The following RNF212B variants were observed in gnomAD, a reference collection of about 807,000 sequenced individuals.
The protein encoded by RNF212B is E3 ubiquitin-protein ligase RNF212B.
A neutral mutation model predicts 55.5 loss-of-function variants in RNF212B; 52 were observed. The ratio of observed to expected loss-of-function variants is 0.94; its 90% CI spans 0.75 to 1.18. RNF212B has a LOEUF of 1.18. RNF212B is among the 50% of genes most tolerant of loss of function. RNF212B has a pLI of 0.00. For missense variants in RNF212B, 289 were observed against 350.4 expected, an observed-to-expected ratio of 0.82 and a Z score of 1.40; for synonymous variants, 99 against 121.4, an observed-to-expected ratio of 0.82 and a Z score of 1.21.
At chr14:23,190,122 T>C (rs1877986958) in intron 1 of RNF212B, among the ~76,000 whole-genome samples, 1 of 152,166 alleles carries the variant, frequency 6.6e-6, no homozygotes, top group Admixed American at 6.5e-5. Context: ...CTCATTTGTC[T>C]CTTTTTAGGC....
In RNF212B at chr14:23,243,326, T is replaced by G; in HGVS notation, c.153+18T>G. The G allele has an allele frequency of 1.3e-6, 2 of 1,543,410 alleles. No homozygotes were observed. Among genetic ancestry groups the G allele is most frequent in the Non-Finnish European group, 1.8e-6 (2 of 1,140,458 alleles). ...CTGATAATGTAAGTTTTTCTCCCCC[T>G]GCCACAAACTGTCTCATCCCATTCC... is the stretch of plus-strand genomic sequence containing the variant. On this transcript the variant is annotated intron_variant, in intron 3 of 14. Transcript: ENST00000430154.
rs548396108 is a variant in RNF212B, at chr14:23,222,272, C to T, written c.-1-18073C>T. On this transcript the variant is annotated intron_variant, in intron 2 of 15. Coordinates refer to the RNF212B transcript ENST00000399910. ...ACTGAATAAGAAAAAAAAAGAAGAC[C>T]CAAAGAAATAAAATCAGAGAAGAAA... 3.3e-5 allele frequency among the ~76,000 whole-genome samples: 5 copies of T among 151,130 alleles called. No homozygotes were observed. In the East Asian group the frequency reaches 7.8e-4, roughly 24 times the overall value.
chr14:23,206,161 G>C (rs946951935), intron 2 of RNF212B, among the ~76,000 whole-genome samples: 2 of 151,996 alleles, frequency 1.3e-5, no homozygotes. Flanking sequence ...TGCAACCTCT[G>C]CCTCCTGGGT....
chr14:23,226,455 C>T (rs558488688), intron 2 of RNF212B, among the ~76,000 whole-genome samples: 1 of 151,718 alleles, frequency 6.6e-6, no homozygotes, highest in Non-Finnish European at 1.5e-5. Context: ...ACGGTGGAAC[C>T]CCATCTCTAC....
At chr14:23,204,949 G>T (rs147376821) in intron 2 of RNF212B, among the ~76,000 whole-genome samples, 5 of 152,044 alleles carry the variant, frequency 3.3e-5, no homozygotes, top group African/African-American at 9.7e-5. Flanking sequence ...TTAAAAGCAC[G>T]TATAGAAAGA....
intron 7 of RNF212B, among the ~76,000 whole-genome samples, chr14:23,260,942 AAATTT>A (rs1368255949): frequency 6.6e-6 from 1 of 152,244 alleles, no homozygotes; most frequent in African/African-American, 2.4e-5. Flanking sequence ...ATTTGAACAT[AAATTT>A]AATTTACTCA....
intron 4 of RNF212B, among the ~76,000 whole-genome samples, chr14:23,249,220 C>T (rs1296657191): frequency 6.6e-6 from 1 of 152,054 alleles, no homozygotes; most frequent in Non-Finnish European, 1.5e-5. Context: ...ATCAATAGAC[C>T]AGAGCTTCTC....
chr14:23,201,922 T>C (rs377443676), intron 2 of RNF212B, among the ~76,000 whole-genome samples: 18 of 152,158 alleles, frequency 1.2e-4, no homozygotes, highest in African/African-American at 4.1e-4. Context: ...AAAATATAAC[T>C]TCCATAAACC....
intron 2 of RNF212B, among the ~76,000 whole-genome samples, chr14:23,220,740 G>A (rs1179573951): frequency 6.9e-6 from 1 of 145,384 alleles, no homozygotes; most frequent in East Asian, 2.2e-4. Flanking sequence ...CAGGAGAATG[G>A]CGTGAACCTG....
At chr14:23,204,771 T>C (rs1194409396) in intron 2 of RNF212B, among the ~76,000 whole-genome samples, 3 of 152,146 alleles carry the variant, frequency 2.0e-5, no homozygotes, top group Admixed American at 2.0e-4. Flanking sequence ...ATGATGGTGG[T>C]ATTTTGATGG....
At chr14:23,208,959 C>T (rs961404090) in intron 2 of RNF212B, among the ~76,000 whole-genome samples, 45 of 151,208 alleles carry the variant, frequency 3.0e-4, no homozygotes, top group Non-Finnish European at 5.2e-4. Context: ...GGGGTTTCAT[C>T]GTGTTAGCCG....
chr14:23,206,362 C>T (rs1028011563), intron 2 of RNF212B, among the ~76,000 whole-genome samples: 2 of 152,186 alleles, frequency 1.3e-5, no homozygotes, highest in Admixed American at 6.5e-5. Flanking sequence ...CGTGAGCCAC[C>T]GTGCCCGGCC....
upstream of RNF212B, among the ~76,000 whole-genome samples, chr14:23,235,820 G>A (rs1056339328): frequency 2.0e-5 from 3 of 152,148 alleles, no homozygotes; most frequent in East Asian, 1.9e-4. Context: ...TTACAAAATC[G>A]TGCATGGGCA....
chr14:23,261,762 C>T (rs1265867493), intron 7 of RNF212B, among the ~76,000 whole-genome samples: 3 of 152,102 alleles, frequency 2.0e-5, no homozygotes, highest in Non-Finnish European at 4.4e-5. Context: ...GAGATTGAGA[C>T]CGTTCTGGCT....
intron 2 of RNF212B, among the ~76,000 whole-genome samples, chr14:23,231,348 G>A (rs1165907379): frequency 6.6e-6 from 1 of 152,010 alleles, no homozygotes; most frequent in Non-Finnish European, 1.5e-5. Context: ...TTTTGACAAA[G>A]GCAATTTAGT....
chr14:23,268,865 AC>A, intron 11 of RNF212B, 58 bp from the exon 12 acceptor site: 1 of 1,407,096 alleles, frequency 7.1e-7, no homozygotes, highest in South Asian at 1.2e-5. Context: ...CCCCAAGTAT[AC>A]CTGAATCTCT....
intron 2 of RNF212B, among the ~76,000 whole-genome samples, chr14:23,208,979 C>G (rs1362912243): frequency 3.3e-5 from 5 of 151,654 alleles, no homozygotes; most frequent in Non-Finnish European, 7.4e-5. Context: ...GGGATGGTCT[C>G]GATCTCCTGA....
In RNF212B at chr14:23,273,109, A is replaced by G; in HGVS notation, c.*218A>G. On this transcript the variant is annotated 3_prime_UTR_variant, in exon 15 of 15. Transcript: ENST00000430154. ...GCTAGTGCTTCAGGAAGATGTTTAT[A>G]TCTCTTCCAGAAGACACTGGTAGCT... 2.6e-6 allele frequency: 1 copy of G among 387,524 alleles called. No homozygotes were observed. Among genetic ancestry groups the G allele is most frequent in the Non-Finnish European group, 4.6e-6 (1 of 216,690 alleles). 24.0% of individuals were successfully genotyped at this position (387,524 alleles called of 1,614,324 possible). A position where few individuals can be genotyped will look rare whatever the true frequency, so the allele number is the denominator to read the frequency against.
intron 11 of RNF212B, among the ~76,000 whole-genome samples, chr14:23,267,225 T>C (rs935693103): frequency 2.0e-5 from 3 of 152,076 alleles, no homozygotes; most frequent in Middle Eastern, 3.4e-3. Flanking sequence ...CAAGCAATCC[T>C]CCTGCCTCAG....
Sources: gnomAD v4.1 joint callset for allele counts (sites outside exome capture counted in the v4.1 genomes callset) on GRCh38, gnomAD v4.1.1 for gene constraint, MANE v1.5 for transcripts, NCBI Gene and HGNC (gene_info 2026-07-23, HGNC 2026-07-21) for gene names.